CPA6: variants seen among roughly 807,000 people sequenced by gnomAD.
CPA6 encodes the protein carboxypeptidase B.
A neutral mutation model predicts 63.3 loss-of-function variants in CPA6; 58 were observed. The observed-to-expected ratio is 0.92, with a 90% CI of 0.74 to 1.14. The LOEUF is 1.14. CPA6 is among the 50% of genes most tolerant of loss of function. The pLI, the probability that CPA6 is intolerant of heterozygous loss-of-function variation, is 0.00. For synonymous variants in CPA6, 185 were observed against 179.0 expected, an observed-to-expected ratio of 1.03 and a Z score of -0.27; for missense variants, 565 against 526.6, an observed-to-expected ratio of 1.07 and a Z score of -0.71.
rs1215565183 is a variant in CPA6, at chr8:67,713,097, GTGTATA to G, written c.116+32911_116+32916del. ...TCTGTGTGTGTATGTGTGTGTGTGT[GTGTATA>G]TATATATATATATATATATATATAT... is the stretch of plus-strand genomic sequence containing the variant. On this transcript the variant is annotated intron_variant, in intron 1 of 10. Coordinates refer to ENST00000297770, the MANE Select transcript of CPA6 (RefSeq NM_020361.5). Among the ~76,000 whole-genome samples the G allele has an allele frequency of 5.1e-4, 31 of 60,238 alleles. 1 individual carries two copies. The East Asian group carries it at 6.2e-3, about 12-fold the overall frequency. 39.5% of individuals were successfully genotyped at this position (60,238 alleles called of 152,430 possible).
intron 8 of CPA6, among the ~76,000 whole-genome samples, chr8:67,448,441 G>A (rs1810478138): frequency 6.6e-6 from 1 of 151,380 alleles, no homozygotes; most frequent in African/African-American, 2.4e-5. Context: ...GACCAGCCTG[G>A]GCAACATGGT....
intron 6 of CPA6, among the ~76,000 whole-genome samples, chr8:67,499,038 T>C (rs1202928040): frequency 6.6e-6 from 1 of 152,214 alleles, no homozygotes; most frequent in African/African-American, 2.4e-5. Context: ...TTTTGCAATT[T>C]TCAAAATAAT....
chr8:67,580,321 A>G (rs1813737581), intron 2 of CPA6, among the ~76,000 whole-genome samples: 1 of 152,166 alleles, frequency 6.6e-6, no homozygotes, highest in Non-Finnish European at 1.5e-5. Context: ...TAATCCTTCT[A>G]CCAACACAAG....
intron 1 of CPA6, among the ~76,000 whole-genome samples, chr8:67,721,502 C>A (rs917898405): frequency 6.6e-6 from 1 of 152,136 alleles, no homozygotes; most frequent in Non-Finnish European, 1.5e-5. Context: ...TTTGATGTAC[C>A]TTGTCACCCA....
chr8:67,534,544 T>A (rs6472317), intron 2 of CPA6, among the ~76,000 whole-genome samples: 69,526 of 151,958 alleles, frequency 0.46, 20,289 homozygotes, highest in African/African-American at 0.83. Flanking sequence ...TACTTTCCTG[T>A]ATGTCCACTC....
intron 2 of CPA6, among the ~76,000 whole-genome samples, chr8:67,577,942 C>G (rs552636350): frequency 6.6e-6 from 1 of 152,268 alleles, no homozygotes; most frequent in South Asian, 2.1e-4. Flanking sequence ...AAATTGTTCC[C>G]TTAGAGCAGG....
At chr8:67,461,304 A>C (rs1224169644) in intron 8 of CPA6, among the ~76,000 whole-genome samples, 2 of 145,416 alleles carry the variant, frequency 1.4e-5, no homozygotes, top group Non-Finnish European at 3.0e-5. Context: ...TTAACAAAGC[A>C]CATCTTGCAC....
At chr8:67,506,684 A>G in intron 6 of CPA6, 103 bp downstream of exon 6, 1 of 734,230 alleles carries the variant, frequency 1.4e-6, no homozygotes, top group Non-Finnish European at 2.5e-6. Flanking sequence ...CTGTTATTCA[A>G]TCAGGTATCA....
intron 1 of CPA6, among the ~76,000 whole-genome samples, chr8:67,643,687 G>A (rs925450499): frequency 6.6e-6 from 1 of 152,152 alleles, no homozygotes; most frequent in Non-Finnish European, 1.5e-5. Context: ...CACATTTTTA[G>A]CTGAGTGGTG....
At chr8:67,710,004 T>A (rs1402219111) in intron 1 of CPA6, among the ~76,000 whole-genome samples, 1 of 151,966 alleles carries the variant, frequency 6.6e-6, no homozygotes, top group African/African-American at 2.4e-5. Context: ...TCCCAGCTAC[T>A]CAGGAGGCTG....
intron 1 of CPA6, among the ~76,000 whole-genome samples, chr8:67,694,249 T>C (rs1437973134): frequency 6.6e-6 from 1 of 152,240 alleles, no homozygotes; most frequent in East Asian, 1.9e-4. Context: ...CAGATAGGGA[T>C]GCTGTTTGGA....
chr8:67,719,365 T>C lies in CPA6; in HGVS notation c.116+26649A>G, dbSNP rs764150859. 1.3e-4 allele frequency among the ~76,000 whole-genome samples: 19 copies of C among 151,838 alleles called. No homozygotes were observed. In the South Asian group the frequency reaches 2.5e-3, roughly 20 times the overall value. On this transcript the variant is annotated intron_variant, in intron 1 of 10. Coordinates refer to ENST00000297770, the MANE Select transcript of CPA6 (RefSeq NM_020361.5). ...GGATACAGATGGAGGGAATGGGGTGTGGGCATGCTGTGGTCAGGATTGGGG... is the reference window on the plus strand; with the variant it reads ...GGATACAGATGGAGGGAATGGGGTGCGGGCATGCTGTGGTCAGGATTGGGG...
At chr8:67,609,173 C>T (rs1814740682) in intron 2 of CPA6, among the ~76,000 whole-genome samples, 1 of 152,142 alleles carries the variant, frequency 6.6e-6, no homozygotes, top group Admixed American at 6.5e-5. Flanking sequence ...TTGAGAGAAC[C>T]TTATTTTCTG....
At chr8:67,674,982 G>A (rs1217872872) in intron 1 of CPA6, among the ~76,000 whole-genome samples, 1 of 152,106 alleles carries the variant, frequency 6.6e-6, no homozygotes, top group Non-Finnish European at 1.5e-5. Context: ...GGGTACACAT[G>A]AATATAAACA....
intron 2 of CPA6, among the ~76,000 whole-genome samples, chr8:67,608,297 A>G (rs1295535564): frequency 3.3e-5 from 5 of 152,216 alleles, no homozygotes; most frequent in Non-Finnish European, 7.3e-5. Flanking sequence ...TCCTGTGTCC[A>G]TATAAAGCCC....
intron 2 of CPA6, among the ~76,000 whole-genome samples, chr8:67,575,093 GA>G (rs566283010): frequency 4.9e-4 from 74 of 152,130 alleles, no homozygotes; most frequent in African/African-American, 1.7e-3. Flanking sequence ...AGACACTTCT[GA>G]AAAGAAGACA....
At chr8:67,660,496 A>ATTTTTTTTTTTTTTTTTTTTTT (rs5892089) in intron 1 of CPA6, among the ~76,000 whole-genome samples, 1 of 78,940 alleles carries the variant, frequency 1.3e-5, no homozygotes. Context: ...TGCCCGGCTC[A>ATTTTTTTTTTTTTTTTTTTTTT]TTTTTTTTTT....
At chr8:67,706,473 G>A (rs779176967) in intron 1 of CPA6, among the ~76,000 whole-genome samples, 1 of 152,006 alleles carries the variant, frequency 6.6e-6, no homozygotes, top group Non-Finnish European at 1.5e-5. Flanking sequence ...ACACGTTTCT[G>A]GTAAAAGATT....
chr8:67,578,912 A>G (rs1046679840), intron 2 of CPA6, among the ~76,000 whole-genome samples: 2 of 152,242 alleles, frequency 1.3e-5, no homozygotes, highest in African/African-American at 4.8e-5. Flanking sequence ...ACATCCTTAA[A>G]TAATCAGCCT....
Sources: allele counts gnomAD v4.1 joint callset (sites outside exome capture counted in the v4.1 genomes callset), GRCh38; gene constraint gnomAD v4.1.1; transcripts MANE v1.5; gene names NCBI Gene and HGNC (gene_info 2026-07-23, HGNC 2026-07-21).